Variants in TMEM132D observed in about 807,000 individuals in gnomAD.
TMEM132D encodes the protein transmembrane protein 132D.
TMEM132D carries 21 observed loss-of-function variants against 62.3 expected under a neutral mutation model. That is an observed-to-expected ratio of 0.34 (90% CI 0.24 to 0.49). The LOEUF (loss-of-function observed/expected upper bound fraction) is 0.49. TMEM132D is among the 20% of genes least tolerant of loss of function. The pLI is 0.99. For synonymous variants in TMEM132D, 621 were observed against 575.6 expected, an observed-to-expected ratio of 1.08 and a Z score of -1.13; for missense variants, 1,346 against 1,402.8, an observed-to-expected ratio of 0.96 and a Z score of 0.65.
intron 3 of TMEM132D, among the ~76,000 whole-genome samples, chr12:129,401,448 A>C (rs1252252217): frequency 6.6e-6 from 1 of 152,162 alleles, no homozygotes; most frequent in Non-Finnish European, 1.5e-5. Context: ...ATGAGCCTGT[A>C]GTCCCAGCTA....
Position 129,073,204 on chromosome 12 carries a change from T to C in TMEM132D, c.*671A>G, listed in dbSNP as rs1874129623. On this transcript the variant is annotated 3_prime_UTR_variant, in exon 9 of 9. Transcript: ENST00000422113. The stretch of plus-strand genomic sequence containing the variant: ...CCCTGAAGGGCTCAGAGGATTTGCG[T>C]CCATGTGTTTGTCCTTGGCATGTAG... The C allele has an allele frequency of 6.6e-6, 1 of 152,268 alleles. No homozygotes were observed. Among genetic ancestry groups the C allele is most frequent in the Non-Finnish European group, 1.5e-5 (1 of 68,060 alleles). 9.4% of individuals were successfully genotyped at this position (152,268 alleles called of 1,614,324 possible). A position where few individuals can be genotyped will look rare whatever the true frequency, so the allele number is the denominator to read the frequency against.
At chr12:129,142,141 A>G (rs538696792) in intron 5 of TMEM132D, among the ~76,000 whole-genome samples, 2 of 152,190 alleles carry the variant, frequency 1.3e-5, no homozygotes, top group East Asian at 3.9e-4. Context: ...AATGAATCAC[A>G]TATTCCCTTC....
intron 2 of TMEM132D, among the ~76,000 whole-genome samples, chr12:129,691,037 T>G (rs1426341654): frequency 2.0e-5 from 3 of 152,066 alleles, no homozygotes; most frequent in Non-Finnish European, 4.4e-5. Context: ...GAAAGATAGA[T>G]GGTAAGTCCA....
intron 1 of TMEM132D, among the ~76,000 whole-genome samples, chr12:129,717,146 C>T (rs1159967360): frequency 6.6e-6 from 1 of 152,166 alleles, no homozygotes; most frequent in African/African-American, 2.4e-5. Flanking sequence ...GCATGCACAA[C>T]CTGAACAACC....
chr12:129,634,426 A>T (rs1169927657), intron 2 of TMEM132D, among the ~76,000 whole-genome samples: 1 of 147,204 alleles, frequency 6.8e-6, no homozygotes, highest in African/African-American at 2.5e-5. Flanking sequence ...GTGAGCTGTG[A>T]TTGTGCCAAT....
At chr12:129,806,754 G>C (rs61942084) in intron 1 of TMEM132D, among the ~76,000 whole-genome samples, 16,017 of 152,160 alleles carry the variant, frequency 0.11, 876 homozygotes, top group African/African-American at 0.13. Context: ...GGCCAGGCAC[G>C]GTGGTTCAGG....
intron 3 of TMEM132D, among the ~76,000 whole-genome samples, chr12:129,351,788 G>A (rs996025649): frequency 2.6e-5 from 4 of 152,150 alleles, no homozygotes; most frequent in African/African-American, 9.7e-5. Flanking sequence ...TTCACTCAAC[G>A]CTTTCTTAAA....
chr12:129,514,768 T>A lies in TMEM132D; in HGVS notation c.1115+16291A>T, dbSNP rs977683975. Among the ~76,000 whole-genome samples, 3 of 152,242 alleles carry A rather than the reference T, an allele frequency of 2.0e-5. No homozygotes were observed. The East Asian group carries it at 5.8e-4, about 29-fold the overall frequency. On this transcript the variant is annotated intron_variant, in intron 3 of 8. Transcript: ENST00000422113. ...TAAGATGGTTAGAATTTTGCTTTTA[T>A]GATCCATTCTCTTGATAGCTATGAT...
chr12:129,346,374 T>C (rs150661314), intron 3 of TMEM132D, among the ~76,000 whole-genome samples: 8 of 152,290 alleles, frequency 5.3e-5, no homozygotes, highest in African/African-American at 1.2e-4. Flanking sequence ...TGTTAATCTT[T>C]TCAAAAAACC....
At position 129,228,601 on chromosome 12, in the gene TMEM132D, T is replaced by C. The variant is rs113697039; in HGVS notation, c.1300-18938A>G. On this transcript the variant is annotated intron_variant, in intron 4 of 8. Coordinates refer to ENST00000422113, the MANE Select transcript of TMEM132D (RefSeq NM_133448.3). ...TCCAGTTCCAGATGCTCAACCTGAA[T>C]CGAATCATGTGATGTGTGGTCTTTT... is the stretch of plus-strand genomic sequence containing the variant. Among the ~76,000 whole-genome samples the C allele has an allele frequency of 7.2e-4, 109 of 152,260 alleles. 1 individual carries two copies. Among genetic ancestry groups the C allele is most frequent in the African/African-American group, 2.6e-3 (106 of 41,556 alleles).
intron 1 of TMEM132D, chr12:129,840,250 G>A (rs1873148535): frequency 6.6e-6 from 1 of 152,144 alleles, no homozygotes; most frequent in Non-Finnish European, 1.5e-5. Flanking sequence ...GCTGAAGCAT[G>A]GAGCACATCC....
At chr12:129,140,672 CT>C (rs1876714219) in intron 5 of TMEM132D, among the ~76,000 whole-genome samples, 1 of 152,020 alleles carries the variant, frequency 6.6e-6, no homozygotes, top group South Asian at 2.1e-4. Flanking sequence ...AATCCTGTCT[CT>C]GCTAAAAATA....
intron 1 of TMEM132D, among the ~76,000 whole-genome samples, chr12:129,774,826 G>A (rs1158792360): frequency 6.6e-6 from 1 of 152,130 alleles, no homozygotes. Context: ...GAGTCTGTTG[G>A]GATTCTAACC....
intron 4 of TMEM132D, among the ~76,000 whole-genome samples, chr12:129,215,858 GAGA>G (rs966498924): frequency 3.7e-4 from 56 of 152,312 alleles, no homozygotes; most frequent in African/African-American, 1.3e-3. Context: ...GGGGCAAAGA[GAGA>G]AGGAGAGCCA....
chr12:129,845,672 T>A (rs1366586040), intron 1 of TMEM132D, among the ~76,000 whole-genome samples: 1 of 152,156 alleles, frequency 6.6e-6, no homozygotes, highest in Admixed American at 6.5e-5. Flanking sequence ...ATAAACAGTA[T>A]CTAGTAAAAT....
chr12:129,571,100 G>C (rs180999943), intron 2 of TMEM132D, among the ~76,000 whole-genome samples: 1 of 152,328 alleles, frequency 6.6e-6, no homozygotes, highest in East Asian at 1.9e-4. Flanking sequence ...CCATACGTTA[G>C]AGGTAATTCT....
At chr12:129,317,695 C>A (rs1868530954) in intron 4 of TMEM132D, among the ~76,000 whole-genome samples, 1 of 152,192 alleles carries the variant, frequency 6.6e-6, no homozygotes, top group African/African-American at 2.4e-5. Context: ...AGCTCTCTAG[C>A]AAGGCCAGGG....
chr12:129,701,591 G>GT (rs1881387084), intron 1 of TMEM132D, among the ~76,000 whole-genome samples: 1 of 152,202 alleles, frequency 6.6e-6, no homozygotes, highest in African/African-American at 2.4e-5. Flanking sequence ...CGCACTGAAC[G>GT]TATCTCTCCC....
At chr12:129,636,756 G>C (rs1045225514) in intron 2 of TMEM132D, among the ~76,000 whole-genome samples, 35 of 150,088 alleles carry the variant, frequency 2.3e-4, no homozygotes, top group Non-Finnish European at 4.3e-4. Flanking sequence ...GAGAGAGAGA[G>C]ACAGAGAGAG....
Sources: allele counts gnomAD v4.1 joint callset (sites outside exome capture counted in the v4.1 genomes callset), GRCh38; gene constraint gnomAD v4.1.1; transcripts MANE v1.5; gene names NCBI Gene and HGNC (gene_info 2026-07-23, HGNC 2026-07-21).